Variants in GALK2 observed in about 807,000 individuals in gnomAD.
GALK2 encodes galactokinase 2.
In GALK2, 36 loss-of-function variants were observed where a neutral mutation model predicts 52.4. The ratio of observed to expected loss-of-function variants is 0.69; its 90% CI spans 0.53 to 0.91. GALK2 has a LOEUF of 0.91. Among genes scored for constraint, GALK2 ranks in the 40% least tolerant of loss-of-function variants. The probability of loss-of-function intolerance (pLI) is 0.00; values close to 1 mark genes in which losing one functional copy is unlikely to be tolerated. For missense variants in GALK2, 579 were observed against 559.1 expected (o/e 1.04, Z -0.36); for synonymous variants, 176 against 199.1 (o/e 0.88, Z 0.98).
At chr15:49,166,348 G>A (rs191850960), upstream of GALK2, among the ~76,000 whole-genome samples, 189 of 152,158 alleles carry the variant, frequency 1.2e-3, no homozygotes, top group African/African-American at 4.1e-3. Flanking sequence ...CATAAATATA[G>A]ATTTCTCTGA....
intron 5 of GALK2, among the ~76,000 whole-genome samples, chr15:49,252,339 A>G (rs772007239): frequency 1.3e-5 from 2 of 152,094 alleles, no homozygotes; most frequent in African/African-American, 4.8e-5. Flanking sequence ...TTAAAACCAT[A>G]AATTGGGAAT....
At chr15:49,238,645 T>TTTC (rs1278550973) in intron 4 of GALK2, among the ~76,000 whole-genome samples, 1 of 152,256 alleles carries the variant, frequency 6.6e-6, no homozygotes, top group East Asian at 1.9e-4. Context: ...CTTGGGAAAG[T>TTTC]TTCTTCATCT....
At chr15:49,334,382 G>A (rs573000137), downstream of GALK2, 14 of 274,408 alleles carry the variant, frequency 5.1e-5, no homozygotes, top group African/African-American at 2.7e-4. Flanking sequence ...TGATATACAC[G>A]TGTTAGTAAA....
At chr15:49,248,857 A>T (rs1042770269) in intron 5 of GALK2, among the ~76,000 whole-genome samples, 1 of 152,146 alleles carries the variant, frequency 6.6e-6, no homozygotes, top group African/African-American at 2.4e-5. Context: ...AAACAAGCAT[A>T]ATTAGGGAAC....
At chr15:49,287,731 T>A (rs751792618) in intron 7 of GALK2, among the ~76,000 whole-genome samples, 1 of 152,242 alleles carries the variant, frequency 6.6e-6, no homozygotes, top group Non-Finnish European at 1.5e-5. Context: ...AGACTGAGAC[T>A]GATCAGCTAG....
At chr15:49,242,821 C>T (rs1032603499) in intron 5 of GALK2, among the ~76,000 whole-genome samples, 12 of 152,184 alleles carry the variant, frequency 7.9e-5, no homozygotes, top group African/African-American at 2.9e-4. Flanking sequence ...TTCAGCATGT[C>T]AGAATAAGAC....
At chr15:49,357,374 T>G (rs2043339725) in intron 3 of GALK2, among the ~76,000 whole-genome samples, 1 of 148,336 alleles carries the variant, frequency 6.7e-6, no homozygotes, top group Admixed American at 6.7e-5. Flanking sequence ...AAGAATCAAA[T>G]AGACGCAATA....
At chr15:49,197,586 A>C (rs761304020) in intron 1 of GALK2, among the ~76,000 whole-genome samples, 2 of 152,136 alleles carry the variant, frequency 1.3e-5, no homozygotes, top group Non-Finnish European at 2.9e-5. Flanking sequence ...TTTATACAAT[A>C]TTTTAAATAA....
intron 4 of GALK2, among the ~76,000 whole-genome samples, chr15:49,236,334 A>G (rs2090805747): frequency 6.6e-6 from 1 of 152,182 alleles, no homozygotes; most frequent in Non-Finnish European, 1.5e-5. Flanking sequence ...AGCTGTGGTA[A>G]TTTAACCTCT....
chr15:49,201,330 T>A, intron 2 of GALK2, 80 bp downstream of exon 2: 1 of 742,062 alleles, frequency 1.3e-6, no homozygotes, highest in South Asian at 1.8e-5. Context: ...ATTTCTTTCT[T>A]AATTTTTCCC....
intron 9 of GALK2, among the ~76,000 whole-genome samples, chr15:49,325,678 G>T (rs761733505): frequency 2.0e-5 from 3 of 152,226 alleles, no homozygotes; most frequent in Non-Finnish European, 4.4e-5. Context: ...CCACTGACTT[G>T]GGGGCAGAAG....
intron 8 of GALK2, among the ~76,000 whole-genome samples, chr15:49,298,360 T>C (rs1181444185): frequency 6.6e-6 from 1 of 152,120 alleles, no homozygotes; most frequent in Non-Finnish European, 1.5e-5. Flanking sequence ...ATATTGTCAG[T>C]GTAGAGAGAT....
chr15:49,211,891 C>T (rs1018370092), intron 2 of GALK2, among the ~76,000 whole-genome samples: 1 of 152,136 alleles, frequency 6.6e-6, no homozygotes, highest in African/African-American at 2.4e-5. Context: ...TATTACATTT[C>T]ACCATGAGAT....
At chr15:49,170,205 G>T, upstream of GALK2, 1 of 1,507,672 alleles carries the variant, frequency 6.6e-7, no homozygotes. Context: ...GATTTCCGCA[G>T]GGCGGGAGCT....
At chr15:49,204,539 G>C (rs1415365587) in intron 2 of GALK2, among the ~76,000 whole-genome samples, 1 of 151,560 alleles carries the variant, frequency 6.6e-6, no homozygotes, top group African/African-American at 2.4e-5. Flanking sequence ...CATTGTACAG[G>C]TCTTTTATCA....
chr15:49,312,453 T>TG (rs1458786940), intron 8 of GALK2, among the ~76,000 whole-genome samples: 1 of 152,200 alleles, frequency 6.6e-6, no homozygotes, highest in Non-Finnish European at 1.5e-5. Context: ...AGCAGCCTTC[T>TG]GGGGGCCCTA....
chr15:49,251,149 A>G (rs554458185), intron 5 of GALK2, among the ~76,000 whole-genome samples: 19 of 152,362 alleles, frequency 1.2e-4, no homozygotes, highest in African/African-American at 3.8e-4. Context: ...TTACAGGTCA[A>G]TCTCTCTCAT....
rs764662841 is a variant in GALK2 at position 49,217,222 on chromosome 15, C to G, written c.175C>G (p.Leu59Val). The G allele has an allele frequency of 6.2e-7, 1 of 1,611,704 alleles. No individual in the cohort carries two copies. The highest frequency in any genetic ancestry group is 8.5e-7 in the Non-Finnish European group (1 of 1,177,996). ...EHIDYCGYSV[L>V]PMAVEQDVLI... ...TATAGATTATTGTGGATATTCTGTT[C>G]TTCCTATGGCTGTAGAACAAGATGT... is the stretch of plus-strand genomic sequence containing the variant. Residue 59 changes from leucine to valine, a missense_variant, in exon 3 of 10, where the codon CTT becomes GTT. Coordinates refer to ENST00000560031, the MANE Select transcript of GALK2 (RefSeq NM_002044.4).
intron 2 of GALK2, among the ~76,000 whole-genome samples, chr15:49,213,508 C>T (rs900147052): frequency 2.0e-5 from 3 of 152,138 alleles, no homozygotes; most frequent in African/African-American, 7.2e-5. Context: ...TCTTCCTCCC[C>T]TTCCCCTCCA....
Sources: allele counts gnomAD v4.1 joint callset (sites outside exome capture counted in the v4.1 genomes callset), GRCh38; gene constraint gnomAD v4.1.1; transcripts MANE v1.5; gene names NCBI Gene and HGNC (gene_info 2026-07-23, HGNC 2026-07-21).